KCNIP1: variants seen among roughly 807,000 people sequenced by gnomAD.
The protein encoded by KCNIP1 is A-type potassium channel modulatory protein KCNIP1.
KCNIP1 carries 18 observed loss-of-function variants against 33.0 expected under a neutral mutation model. That is an observed-to-expected ratio of 0.55 (90% CI 0.38 to 0.81). The LOEUF (loss-of-function observed/expected upper bound fraction) is 0.81. Ranked by LOEUF, KCNIP1 falls within the 30% of genes least tolerant of loss-of-function variation. The pLI, the probability that KCNIP1 is intolerant of heterozygous loss-of-function variation, is 0.00. For synonymous variants in KCNIP1, 93 were observed against 98.3 expected, an observed-to-expected ratio of 0.95 and a Z score of 0.32; for missense variants, 238 against 271.6, an observed-to-expected ratio of 0.88 and a Z score of 0.87.
At chr5:170,503,754 ACACACAC>A (rs1561655290), upstream of KCNIP1, among the ~76,000 whole-genome samples, 1 of 149,876 alleles carries the variant, frequency 6.7e-6, no homozygotes, top group East Asian at 2.0e-4. Flanking sequence ...ACACACACAC[ACACACAC>A]ACATACACAC....
intron 1 of KCNIP1, among the ~76,000 whole-genome samples, chr5:170,625,202 G>A (rs1202187977): frequency 2.0e-5 from 3 of 152,118 alleles, no homozygotes; most frequent in East Asian, 3.9e-4. Context: ...CCACGTGGCC[G>A]CAGGAAAGTC....
chr5:170,466,168 A>T (rs1756605018), intron 1 of KCNIP1, among the ~76,000 whole-genome samples: 1 of 152,166 alleles, frequency 6.6e-6, no homozygotes, highest in South Asian at 2.1e-4. Flanking sequence ...GTGACAGATG[A>T]TGCATGGGGT....
intron 1 of KCNIP1, among the ~76,000 whole-genome samples, chr5:170,599,580 G>A (rs554020155): frequency 1.5e-4 from 23 of 152,204 alleles, no homozygotes; most frequent in East Asian, 7.7e-4. Context: ...CTCCCACCCC[G>A]AGATTCCATG....
At chr5:170,635,636 C>T (rs1033617908) in intron 1 of KCNIP1, among the ~76,000 whole-genome samples, 1 of 152,254 alleles carries the variant, frequency 6.6e-6, no homozygotes, top group Non-Finnish European at 1.5e-5. Context: ...CTATCAGCCT[C>T]CCTGCACTGT....
chr5:170,512,843 A>G (rs552676745), intron 1 of KCNIP1, among the ~76,000 whole-genome samples: 1 of 152,192 alleles, frequency 6.6e-6, no homozygotes, highest in African/African-American at 2.4e-5. Context: ...AGGTCAGGAG[A>G]TAGAGACCAT....
At chr5:170,466,858 A>C (rs979845261) in intron 1 of KCNIP1, among the ~76,000 whole-genome samples, 2 of 152,210 alleles carry the variant, frequency 1.3e-5, no homozygotes, top group African/African-American at 4.8e-5. Context: ...ATTTCAGTAT[A>C]TGAACTTTAG....
At chr5:170,466,351 T>G (rs769747334) in intron 1 of KCNIP1, among the ~76,000 whole-genome samples, 51 of 152,152 alleles carry the variant, frequency 3.4e-4, no homozygotes, top group Non-Finnish European at 6.2e-4. Flanking sequence ...AGTCAGAATG[T>G]GGATACGTAG....
chr5:170,735,615 C>A, intron 7 of KCNIP1, 144 bp from the exon 8 acceptor site: 1 of 660,444 alleles, frequency 1.5e-6, no homozygotes. Context: ...CTTTCTAGGT[C>A]CCCACCCTTA....
intron 1 of KCNIP1, among the ~76,000 whole-genome samples, chr5:170,357,331 TC>T (rs1398532328): frequency 6.6e-6 from 1 of 152,154 alleles, no homozygotes; most frequent in African/African-American, 2.4e-5. Context: ...CAGATAAAGC[TC>T]CCTGCCTATT....
intron 1 of KCNIP1, among the ~76,000 whole-genome samples, chr5:170,617,067 G>A (rs1392026329): frequency 2.0e-5 from 3 of 151,902 alleles, no homozygotes; most frequent in Non-Finnish European, 4.4e-5. Context: ...ATTTGTCTTG[G>A]TATCTCTAGG....
At chr5:170,597,798 T>TTTATATATATGAA (rs1395511042) in intron 1 of KCNIP1, among the ~76,000 whole-genome samples, 1 of 1,698 alleles carries the variant, frequency 5.9e-4, no homozygotes, top group African/African-American at 8.4e-4. Flanking sequence ...TATATATATA[T>TTTATATATATGAA]ATATATATAT....
chr5:170,712,895 C>T, intron 1 of KCNIP1: 1 of 1,611,850 alleles, frequency 6.2e-7, no homozygotes. Flanking sequence ...AGGTAAAAAA[C>T]AGTTTAAACT....
chr5:170,672,794 G>A (rs190766629), intron 1 of KCNIP1, among the ~76,000 whole-genome samples: 28 of 152,346 alleles, frequency 1.8e-4, no homozygotes, highest in African/African-American at 6.7e-4. Context: ...TGCAAACAGG[G>A]TGTAGGAAGG....
chr5:170,600,376 G>A (rs1758646903), intron 1 of KCNIP1, among the ~76,000 whole-genome samples: 1 of 152,154 alleles, frequency 6.6e-6, no homozygotes, highest in Non-Finnish European at 1.5e-5. Flanking sequence ...CCTGTGCCTG[G>A]AATTCTCTTC....
Position 170,688,311 on chromosome 5 carries a change from G to T in KCNIP1, c.62-30447G>T, listed in dbSNP as rs1171118368. ...AACCAAAGCCTGAGTCCCAACTAAG[G>T]GCAAGACTGTGACACAGAGGTCACT... On this transcript the variant is annotated intron_variant, in intron 1 of 7. Coordinates refer to ENST00000328939, the MANE Select transcript of KCNIP1 (RefSeq NM_014592.4). Among the ~76,000 whole-genome samples, 9 of 152,130 alleles carry T rather than the reference G, an allele frequency of 5.9e-5. 1 individual carries two copies. The highest frequency in any genetic ancestry group is 5.9e-4 in the Admixed American group (9 of 15,278).
intron 1 of KCNIP1, among the ~76,000 whole-genome samples, chr5:170,386,898 C>T (rs1458985611): frequency 6.6e-6 from 1 of 151,982 alleles, no homozygotes; most frequent in African/African-American, 2.4e-5. Flanking sequence ...TGACTCCACC[C>T]CAATGCAAGC....
At chr5:170,560,972 C>T in intron 1 of KCNIP1, 2 of 364,200 alleles carry the variant, frequency 5.5e-6, no homozygotes, top group South Asian at 4.3e-5. Flanking sequence ...AGAAGGAGTC[C>T]CCTCTGGGGC....
intron 1 of KCNIP1, among the ~76,000 whole-genome samples, chr5:170,704,205 T>TGGGGAATCGTCTGG (rs1554113076): frequency 8.1e-6 from 1 of 122,706 alleles, no homozygotes. Context: ...TGACAGGGAT[T>TGGGGAATCGTCTGG]AGTCTCTGTG....
chr5:170,716,135 C>T (rs150215120), intron 1 of KCNIP1, among the ~76,000 whole-genome samples: 80 of 152,334 alleles, frequency 5.3e-4, no homozygotes, highest in African/African-American at 1.7e-3. Context: ...AGCGTGGGCA[C>T]TCCTGTGAGG....
Sources: gnomAD v4.1 joint callset for allele counts (sites outside exome capture counted in the v4.1 genomes callset) on GRCh38, gnomAD v4.1.1 for gene constraint, MANE v1.5 for transcripts, NCBI Gene and HGNC (gene_info 2026-07-23, HGNC 2026-07-21) for gene names.